PDZD2: variants seen among roughly 807,000 people sequenced by gnomAD.
PDZD2 encodes PDZ domain containing 2, also known as PDZ domain-containing protein 2.
A neutral mutation model predicts 220.7 loss-of-function variants in PDZD2; 90 were observed. The ratio of observed to expected loss-of-function variants is 0.41; its 90% CI spans 0.34 to 0.49. PDZD2 has a LOEUF of 0.49. Among genes scored for constraint, PDZD2 ranks in the 20% least tolerant of loss-of-function variants. The pLI, the probability that PDZD2 is intolerant of heterozygous loss-of-function variation, is 0.28. For missense variants in PDZD2, 3,174 were observed against 3,608.5 expected (o/e 0.88, Z 3.08); for synonymous variants, 1,375 against 1,450.5 (o/e 0.95, Z 1.18).
Position 31,805,456 on chromosome 5 carries a change from G to A in PDZD2, c.476+5732G>A, listed in dbSNP as rs1295744779. On this transcript the variant is annotated intron_variant, in intron 2 of 24. Coordinates refer to ENST00000438447, the MANE Select transcript of PDZD2 (RefSeq NM_178140.4). ...ATTAGAGTTCTGGACAGACCCCAGT[G>A]TACCCCTCTGCCTCCCAGCAAATGG... Among the ~76,000 whole-genome samples, 8 of 152,292 alleles carry A rather than the reference G, an allele frequency of 5.3e-5. 1 individual carries two copies. Among genetic ancestry groups the A allele is most frequent in the Middle Eastern group, 3.4e-3 (1 of 294 alleles).
At chr5:32,076,612 CT>C (rs2112416011) in intron 18 of PDZD2, among the ~76,000 whole-genome samples, 1 of 152,268 alleles carries the variant, frequency 6.6e-6, no homozygotes, top group East Asian at 1.9e-4. Flanking sequence ...TTATTTACTA[CT>C]TGATTTAAAT....
chr5:31,998,286 C>G (rs1209357869), intron 4 of PDZD2, among the ~76,000 whole-genome samples: 1 of 152,208 alleles, frequency 6.6e-6, no homozygotes. Context: ...CTTCTCCCAC[C>G]ATTCCAAACA....
At chr5:31,653,517 G>C (rs1291082882) in intron 1 of PDZD2, among the ~76,000 whole-genome samples, 2 of 152,110 alleles carry the variant, frequency 1.3e-5, no homozygotes, top group African/African-American at 4.8e-5. Flanking sequence ...AATGTGAGAG[G>C]GAGGACCTCT....
At chr5:31,943,426 C>A (rs1746379093) in intron 2 of PDZD2, among the ~76,000 whole-genome samples, 5 of 152,068 alleles carry the variant, frequency 3.3e-5, no homozygotes, top group South Asian at 2.1e-4. Flanking sequence ...TGTAGTAAAT[C>A]CACATTGGTA....
At chr5:32,055,050 C>A (rs1738968017) in intron 10 of PDZD2, among the ~76,000 whole-genome samples, 2 of 152,108 alleles carry the variant, frequency 1.3e-5, no homozygotes, top group South Asian at 2.1e-4. Context: ...TGTACAGACA[C>A]AATAGCTGCT....
At chr5:31,740,647 C>T (rs1750201694) in intron 1 of PDZD2, among the ~76,000 whole-genome samples, 1 of 150,002 alleles carries the variant, frequency 6.7e-6, no homozygotes, top group African/African-American at 2.4e-5. Flanking sequence ...TCAGTCAGAG[C>T]TGTATAAGCT....
intron 1 of PDZD2, among the ~76,000 whole-genome samples, chr5:31,681,774 T>G (rs1746659154): frequency 6.6e-6 from 1 of 152,192 alleles, no homozygotes; most frequent in African/African-American, 2.4e-5. Context: ...ACTGACAAGC[T>G]GATTTTAGCA....
At chr5:31,954,934 C>T (rs1211368878) in intron 2 of PDZD2, among the ~76,000 whole-genome samples, 1 of 151,852 alleles carries the variant, frequency 6.6e-6, no homozygotes, top group Non-Finnish European at 1.5e-5. Flanking sequence ...GAGACTCTGT[C>T]TCAAAAAAAA....
At chr5:31,784,074 G>A (rs547474636) in intron 1 of PDZD2, among the ~76,000 whole-genome samples, 50 of 152,248 alleles carry the variant, frequency 3.3e-4, no homozygotes, top group African/African-American at 9.1e-4. Context: ...AAGGCTCCTC[G>A]GTAGGGCTCC....
chr5:31,953,789 C>CT (rs1168879916), intron 2 of PDZD2, among the ~76,000 whole-genome samples: 2 of 151,882 alleles, frequency 1.3e-5, no homozygotes, highest in Non-Finnish European at 2.9e-5. Context: ...GTAGCTGGGA[C>CT]TACAGGCATG....
At chr5:31,887,617 A>G (rs533212930) in intron 2 of PDZD2, among the ~76,000 whole-genome samples, 1 of 152,230 alleles carries the variant, frequency 6.6e-6, no homozygotes, top group Non-Finnish European at 1.5e-5. Flanking sequence ...TGTCCTGATT[A>G]TCAATTGTCC....
At chr5:31,670,143 G>C (rs564669283) in intron 1 of PDZD2, among the ~76,000 whole-genome samples, 5 of 152,168 alleles carry the variant, frequency 3.3e-5, no homozygotes, top group African/African-American at 1.2e-4. Context: ...CAATTCAGTT[G>C]TTCCTGTAGT....
chr5:32,003,329 C>CA (rs1752483816), intron 5 of PDZD2, among the ~76,000 whole-genome samples: 1 of 24,646 alleles, frequency 4.1e-5, no homozygotes, highest in Non-Finnish European at 1.0e-4. Flanking sequence ...ACACACACAC[C>CA]CCCACCACAC....
At chr5:31,783,260 C>T (rs906663269) in intron 1 of PDZD2, among the ~76,000 whole-genome samples, 1 of 151,596 alleles carries the variant, frequency 6.6e-6, no homozygotes, top group Non-Finnish European at 1.5e-5. Context: ...GTCTTTCTTT[C>T]CATTTTTTTT....
chr5:31,922,015 T>C (rs1411713340), intron 2 of PDZD2, among the ~76,000 whole-genome samples: 3 of 152,188 alleles, frequency 2.0e-5, no homozygotes, highest in Admixed American at 2.0e-4. Flanking sequence ...CAAACTGTTT[T>C]AGATAGAGTT....
At chr5:31,688,879 T>A (rs1006481476) in intron 1 of PDZD2, among the ~76,000 whole-genome samples, 1 of 152,178 alleles carries the variant, frequency 6.6e-6, no homozygotes, top group Non-Finnish European at 1.5e-5. Flanking sequence ...TTTTGTTTCC[T>A]TTCCAGGCTC....
At chr5:31,985,274 G>T (rs1645688280) in intron 3 of PDZD2, among the ~76,000 whole-genome samples, 1 of 152,152 alleles carries the variant, frequency 6.6e-6, no homozygotes, top group Admixed American at 6.5e-5. Flanking sequence ...ACAAAATAAG[G>T]TTGTGGGTAT....
At chr5:31,849,364 C>T (rs1757783085) in intron 2 of PDZD2, among the ~76,000 whole-genome samples, 1 of 151,508 alleles carries the variant, frequency 6.6e-6, no homozygotes, top group Non-Finnish European at 1.5e-5. Context: ...ATAATTATAC[C>T]CACTTCACAG....
chr5:31,997,522 A>G (rs572980211), intron 4 of PDZD2, among the ~76,000 whole-genome samples: 8 of 152,242 alleles, frequency 5.3e-5, no homozygotes, highest in Non-Finnish European at 1.2e-4. Context: ...TTAACTTCCA[A>G]AATGACATAT....
Sources: allele counts gnomAD v4.1 joint callset (sites outside exome capture counted in the v4.1 genomes callset), GRCh38; gene constraint gnomAD v4.1.1; transcripts MANE v1.5; gene names NCBI Gene and HGNC (gene_info 2026-07-23, HGNC 2026-07-21).